The following SENP7 variants were observed in gnomAD, a reference collection of about 807,000 sequenced individuals.
The protein encoded by SENP7 is SUMO specific peptidase 7.
Under a neutral mutation model 141.2 loss-of-function variants are expected in SENP7, and 64 were observed. That is an observed-to-expected ratio of 0.45 (90% CI 0.37 to 0.56). The LOEUF is 0.56. Among genes scored for constraint, SENP7 ranks in the 20% least tolerant of loss-of-function variants. The pLI is 0.00. For synonymous variants in SENP7, 382 were observed against 426.4 expected (o/e 0.90, Z 1.28); for missense variants, 1,025 against 1,212.2 (o/e 0.85, Z 2.29).
intron 5 of SENP7, among the ~76,000 whole-genome samples, chr3:101,402,854 AT>A (rs1426126662): frequency 6.6e-6 from 1 of 152,204 alleles, no homozygotes; most frequent in Non-Finnish European, 1.5e-5. Context: ...GTACAAGAGA[AT>A]TCGTGTTGTT....
At chr3:101,504,260 T>C (rs2065501274) in intron 1 of SENP7, among the ~76,000 whole-genome samples, 1 of 150,686 alleles carries the variant, frequency 6.6e-6, no homozygotes, top group African/African-American at 2.4e-5. Flanking sequence ...GAGACCAGCC[T>C]GGTCAACATG....
At chr3:101,406,085 T>C (rs1450422280) in intron 5 of SENP7, among the ~76,000 whole-genome samples, 1 of 152,158 alleles carries the variant, frequency 6.6e-6, no homozygotes, top group East Asian at 1.9e-4. Flanking sequence ...CATTACTGGG[T>C]ATATACCCAA....
Position 101,346,882 on chromosome 3 carries a change from G to A in SENP7, c.1837+990C>T, listed in dbSNP as rs555542588. 1.0e-4 allele frequency among the ~76,000 whole-genome samples: 15 copies of A among 150,592 alleles called. No homozygotes were observed. The East Asian group carries it at 1.8e-3, about 18-fold the overall frequency. ...AGAACTTATGTAATCAAATACCACC[G>A]GTTTCCCAAAAACCCATGGAAATAA... On this transcript the variant is annotated intron_variant, in intron 13 of 23. Transcript: ENST00000394095.
chr3:101,428,715 T>C (rs1026982606), intron 4 of SENP7, among the ~76,000 whole-genome samples: 2 of 152,232 alleles, frequency 1.3e-5, no homozygotes, highest in African/African-American at 4.8e-5. Flanking sequence ...CATTTGTCAA[T>C]TTTGGCTTTT....
chr3:101,399,875 T>C (rs2061082454), intron 5 of SENP7, among the ~76,000 whole-genome samples: 1 of 152,142 alleles, frequency 6.6e-6, no homozygotes, highest in Admixed American at 6.6e-5. Context: ...ATCCTCCCAC[T>C]TCAGCCTCCC....
At chr3:101,334,012 G>A (rs983308991) in intron 17 of SENP7, among the ~76,000 whole-genome samples, 4 of 152,132 alleles carry the variant, frequency 2.6e-5, no homozygotes, top group Non-Finnish European at 4.4e-5. Context: ...TCCCTTGCAC[G>A]CACTGTTCAC....
intron 6 of SENP7, among the ~76,000 whole-genome samples, chr3:101,385,176 T>C (rs2060618499): frequency 6.6e-6 from 1 of 152,038 alleles, no homozygotes; most frequent in Non-Finnish European, 1.5e-5. Flanking sequence ...ATATACAGTA[T>C]ATATATATGT....
intron 4 of SENP7, among the ~76,000 whole-genome samples, chr3:101,420,763 T>C (rs993711505): frequency 3.3e-5 from 5 of 152,132 alleles, no homozygotes; most frequent in African/African-American, 1.2e-4. Flanking sequence ...GACCTAATCA[T>C]ATGGGCAAGA....
chr3:101,340,261 A>G (rs375242734), intron 15 of SENP7, 50 bp from the exon 16 acceptor site: 20 of 1,516,486 alleles, frequency 1.3e-5, no homozygotes, highest in Non-Finnish European at 1.8e-5. Flanking sequence ...AAATCCTATT[A>G]TCTAAGAGAT....
intron 1 of SENP7, among the ~76,000 whole-genome samples, chr3:101,507,657 G>T (rs1420922413): frequency 2.6e-5 from 3 of 117,078 alleles, no homozygotes; most frequent in South Asian, 2.7e-4. Flanking sequence ...GTTTCCTTTG[G>T]GGGGAAGACA....
intron 3 of SENP7, among the ~76,000 whole-genome samples, chr3:101,489,463 C>T (rs1006442898): frequency 7.9e-5 from 10 of 126,088 alleles, no homozygotes; most frequent in Admixed American, 2.4e-4. Context: ...GGGAAAGAGA[C>T]AGATCTACCA....
At chr3:101,491,964 T>A (rs996326075) in intron 3 of SENP7, among the ~76,000 whole-genome samples, 3 of 152,086 alleles carry the variant, frequency 2.0e-5, no homozygotes, top group African/African-American at 4.8e-5. Context: ...TGGTGGCACA[T>A]GCCAGTAATC....
At chr3:101,384,920 A>T (rs1260010279) in intron 6 of SENP7, among the ~76,000 whole-genome samples, 1 of 152,212 alleles carries the variant, frequency 6.6e-6, no homozygotes, top group Non-Finnish European at 1.5e-5. Context: ...ATTAAACCTC[A>T]TTTCTTACAT....
chr3:101,375,590 A>G (rs1014705876), intron 6 of SENP7, among the ~76,000 whole-genome samples: 19 of 151,488 alleles, frequency 1.3e-4, no homozygotes, highest in Non-Finnish European at 2.4e-4. Context: ...CATAATCACA[A>G]AGTTACCAAG....
chr3:101,462,081 A>G (rs1659110965), intron 3 of SENP7, among the ~76,000 whole-genome samples: 1 of 152,234 alleles, frequency 6.6e-6, no homozygotes, highest in Non-Finnish European at 1.5e-5. Context: ...GTAATGAAAA[A>G]GTTCTGAAAC....
At chr3:101,359,303 T>C (rs1249319215) in intron 11 of SENP7, 2 of 151,816 alleles carry the variant, frequency 1.3e-5, no homozygotes, top group South Asian at 2.1e-4. Context: ...ACTGATTTTG[T>C]GTCCTAAAAC....
intron 1 of SENP7, among the ~76,000 whole-genome samples, chr3:101,510,865 T>TAAAAAAAAAA (rs2065828321): frequency 1.2e-5 from 1 of 85,258 alleles, no homozygotes; most frequent in African/African-American, 4.1e-5. Context: ...AAAAAAAAAG[T>TAAAAAAAAAA]CACTTCATTT....
rs1324467563 is a variant in SENP7 at position 101,432,540 on chromosome 3, CCA to C, written c.285-14752_285-14751del. Reference sequence around the variant, plus strand: ...CCCAGCACAGTCACAATGCTGGTGGCCACAGGGGTGCTTGAGTCACTCCACCC... The same window carrying C: ...CCCAGCACAGTCACAATGCTGGTGGCCAGGGGTGCTTGAGTCACTCCACCC... On this transcript the variant is annotated intron_variant, in intron 4 of 23. Transcript: ENST00000394095. Among the ~76,000 whole-genome samples, 8 of 152,272 alleles carry C rather than the reference CCA, an allele frequency of 5.3e-5. No homozygotes were observed. The East Asian group carries it at 1.5e-3, about 29-fold the overall frequency.
Position 101,372,134 on chromosome 3 carries a change from A to C in SENP7, c.678-8T>G, listed in dbSNP as rs1388058285. ...TTACTTCGTTGTGAGCCCCTGCAAA[A>C]GAGAACTGTATTATACTCAATTCTA... On this transcript the variant is annotated splice_region_variant and splice_polypyrimidine_tract_variant and intron_variant, in intron 6 of 23. Transcript: ENST00000394095. The C allele has an allele frequency of 6.8e-7, 1 of 1,465,646 alleles. No homozygotes were observed. Among genetic ancestry groups the C allele is most frequent in the South Asian group, 1.3e-5 (1 of 76,274 alleles). 90.8% of individuals were successfully genotyped at this position (1,465,646 alleles called of 1,614,324 possible). A position where few individuals can be genotyped will look rare whatever the true frequency, so the allele number is the denominator to read the frequency against.
Sources: gnomAD v4.1 joint callset for allele counts (sites outside exome capture counted in the v4.1 genomes callset) on GRCh38, gnomAD v4.1.1 for gene constraint, MANE v1.5 for transcripts, NCBI Gene and HGNC (gene_info 2026-07-23, HGNC 2026-07-21) for gene names.